The following NLGN1 variants were observed in gnomAD, a reference collection of about 807,000 sequenced individuals.
NLGN1 encodes neuroligin-1.
A neutral mutation model predicts 65.5 loss-of-function variants in NLGN1; 12 were observed. That is an observed-to-expected ratio of 0.18 (90% CI 0.12 to 0.30). The LOEUF is 0.30. Ranked by LOEUF, NLGN1 falls within the 10% of genes least tolerant of loss-of-function variation. NLGN1 has a pLI of 1.00. For synonymous variants in NLGN1, 350 were observed against 359.5 expected (o/e 0.97, Z 0.30); for missense variants, 750 against 1,007.1 (o/e 0.74, Z 3.46).
intron 4 of NLGN1, among the ~76,000 whole-genome samples, chr3:174,073,514 C>T (rs888554783): frequency 1.3e-5 from 2 of 152,086 alleles, no homozygotes; most frequent in African/African-American, 4.8e-5. Flanking sequence ...CAAATCTTGG[C>T]GTCACTCTTT....
chr3:174,079,871 ACTGGGGC>A (rs1741780122), intron 4 of NLGN1, among the ~76,000 whole-genome samples: 1 of 152,092 alleles, frequency 6.6e-6, no homozygotes, highest in African/African-American at 2.4e-5. Context: ...ACCTACACAC[ACTGGGGC>A]CTATTGAAGG....
intron 2 of NLGN1, among the ~76,000 whole-genome samples, chr3:173,560,379 G>C (rs533525093): frequency 6.6e-6 from 1 of 152,088 alleles, no homozygotes; most frequent in Non-Finnish European, 1.5e-5. Flanking sequence ...AAGGAAGAAA[G>C]AGAAGGAAAT....
chr3:173,580,200 T>C (rs1237685219), intron 2 of NLGN1, among the ~76,000 whole-genome samples: 4 of 152,146 alleles, frequency 2.6e-5, no homozygotes, highest in African/African-American at 9.6e-5. Context: ...CCTCTATTTG[T>C]TATGAAAACT....
intron 2 of NLGN1, among the ~76,000 whole-genome samples, chr3:173,597,429 A>G (rs1749665427): frequency 6.6e-6 from 1 of 152,190 alleles, no homozygotes; most frequent in Non-Finnish European, 1.5e-5. Flanking sequence ...CTACAATAGT[A>G]GCTGTTTTTG....
chr3:173,840,338 A>G (rs1019760011), intron 4 of NLGN1, among the ~76,000 whole-genome samples: 4 of 152,242 alleles, frequency 2.6e-5, no homozygotes, highest in African/African-American at 9.6e-5. Context: ...TTTGGGTTAT[A>G]TAGATGTAGC....
chr3:173,522,801 G>A (rs966108681), intron 2 of NLGN1, among the ~76,000 whole-genome samples: 2 of 151,994 alleles, frequency 1.3e-5, no homozygotes, highest in Admixed American at 1.3e-4. Flanking sequence ...GGGATTTCTG[G>A]GTTGAATGGC....
Position 173,432,638 on chromosome 3 carries a change from T to G in NLGN1, c.-389-2372T>G, listed in dbSNP as rs561590389. Among the ~76,000 whole-genome samples, 21 of 152,332 alleles carry G rather than the reference T, an allele frequency of 1.4e-4. No homozygotes were observed. The South Asian group carries it at 4.3e-3, about 32-fold the overall frequency. ...TATTTTGGATGAATCTTTTATCAGA[T>G]ATGTCTTTAATAATCATTTTCATCT... On this transcript the variant is annotated intron_variant, in intron 1 of 6. Transcript: ENST00000457714.
intron 2 of NLGN1, among the ~76,000 whole-genome samples, chr3:173,496,142 A>G (rs1458872245): frequency 6.6e-6 from 1 of 151,512 alleles, no homozygotes. Flanking sequence ...ACAAGATTCC[A>G]TCTCCTTCAT....
chr3:173,526,326 TC>T (rs1735637837), intron 2 of NLGN1, among the ~76,000 whole-genome samples: 2 of 148,090 alleles, frequency 1.4e-5, no homozygotes, highest in African/African-American at 5.3e-5. Flanking sequence ...CCTTTCCTTG[TC>T]TTTTTTTTTA....
At chr3:173,652,466 G>A (rs1435563989) in intron 3 of NLGN1, among the ~76,000 whole-genome samples, 2 of 152,096 alleles carry the variant, frequency 1.3e-5, no homozygotes, top group African/African-American at 4.8e-5. Flanking sequence ...GAGGGGTCCA[G>A]TTTCATTATT....
intron 4 of NLGN1, among the ~76,000 whole-genome samples, chr3:173,954,548 A>G (rs1049035404): frequency 6.6e-6 from 1 of 152,124 alleles, no homozygotes; most frequent in Admixed American, 6.5e-5. Context: ...ATGTCTGCCA[A>G]CCATTTCAAA....
At chr3:174,058,539 G>C (rs1326609889) in intron 4 of NLGN1, among the ~76,000 whole-genome samples, 4 of 151,878 alleles carry the variant, frequency 2.6e-5, no homozygotes, top group Admixed American at 6.6e-5. Flanking sequence ...AACACAGTAG[G>C]TAGATACTCG....
chr3:174,023,301 A>T (rs1257186711), intron 4 of NLGN1, among the ~76,000 whole-genome samples: 1 of 152,154 alleles, frequency 6.6e-6, no homozygotes, highest in Non-Finnish European at 1.5e-5. Flanking sequence ...CAGCCAAGTT[A>T]TATGATTCTA....
chr3:174,037,312 T>G (rs915837489), intron 4 of NLGN1, among the ~76,000 whole-genome samples: 1 of 152,172 alleles, frequency 6.6e-6, no homozygotes, highest in Non-Finnish European at 1.5e-5. Context: ...TAACTCACAT[T>G]GTATAGACAT....
At chr3:173,583,523 T>TA (rs922183045) in intron 2 of NLGN1, among the ~76,000 whole-genome samples, 2 of 152,278 alleles carry the variant, frequency 1.3e-5, no homozygotes, top group African/African-American at 2.4e-5. Context: ...TTTAGTCAGT[T>TA]AAAAAAGAGT....
rs761000882 is a variant in NLGN1 at position 174,280,633 on chromosome 3, A to G, written c.1802A>G (p.Asn601Ser). The change falls in exon 7 of 7, where the codon AAT (asparagine) becomes AGT (serine). Residue 601 changes from asparagine (N) to serine (S), a missense_variant. Asn to Ser is a conservative substitution (Grantham distance 46). Transcript: ENST00000457714. The surrounding 1 kb of genome is among the most constrained non-coding windows in gnomAD (Gnocchi z 4.9). ...AGAGTTAAAGAACATTACAGAGCCA[A>G]TAAGGTGAACCTCTGGTTGGAGTTG... 10 of 1,613,372 alleles carry G rather than the reference A, an allele frequency of 6.2e-6. No individual in the cohort carries two copies. The South Asian group carries it at 9.9e-5, about 16-fold the overall frequency.
chr3:174,042,710 A>G (rs929302614), intron 4 of NLGN1, among the ~76,000 whole-genome samples: 64 of 152,298 alleles, frequency 4.2e-4, no homozygotes, highest in African/African-American at 1.5e-3. Flanking sequence ...TATTAAATAA[A>G]CTTTTTTAAA....
chr3:173,667,181 A>C (rs191655416), intron 3 of NLGN1, among the ~76,000 whole-genome samples: 67 of 151,702 alleles, frequency 4.4e-4, no homozygotes, highest in Non-Finnish European at 7.1e-4. Context: ...TTTGTTGGGC[A>C]TTTAGGTTAT....
intron 3 of NLGN1, among the ~76,000 whole-genome samples, chr3:173,654,763 T>A (rs906715334): frequency 6.6e-6 from 1 of 152,184 alleles, no homozygotes; most frequent in Non-Finnish European, 1.5e-5. Flanking sequence ...TAGATAGATA[T>A]CTGAGAACTG....
Sources: gnomAD v4.1 joint callset for allele counts (sites outside exome capture counted in the v4.1 genomes callset) on GRCh38, gnomAD v4.1.1 for gene constraint, Gnocchi (gnomAD v3.1) non-coding constraint, MANE v1.5 for transcripts, NCBI Gene and HGNC (gene_info 2026-07-23, HGNC 2026-07-21) for gene names.